Variants in ESCO1 observed in about 807,000 individuals in gnomAD.
The protein encoded by ESCO1 is N-acetyltransferase ESCO1.
ESCO1 carries 33 observed loss-of-function variants against 83.5 expected under a neutral mutation model. The observed-to-expected ratio is 0.40, with a 90% CI of 0.30 to 0.53. The LOEUF is 0.53. ESCO1 is among the 20% of genes least tolerant of loss of function. The probability of loss-of-function intolerance (pLI) is 0.63; values close to 1 mark genes in which losing one functional copy is unlikely to be tolerated. For synonymous variants in ESCO1, 332 were observed against 324.3 expected, an observed-to-expected ratio of 1.02 and a Z score of -0.25; for missense variants, 855 against 968.0, an observed-to-expected ratio of 0.88 and a Z score of 1.55.
At chr18:21,581,974 G>C (rs1199619586) in intron 2 of ESCO1, among the ~76,000 whole-genome samples, 1 of 151,646 alleles carries the variant, frequency 6.6e-6, no homozygotes, top group Non-Finnish European at 1.5e-5. Flanking sequence ...TATAGTCCCA[G>C]CTATTCAGGA....
intron 2 of ESCO1, among the ~76,000 whole-genome samples, chr18:21,579,670 G>A (rs1183672876): frequency 2.0e-5 from 3 of 150,512 alleles, no homozygotes; most frequent in African/African-American, 7.4e-5. Flanking sequence ...TACTCGGGAG[G>A]CTGAGGCAGG....
chr18:21,560,963 C>T lies in ESCO1; in HGVS notation c.1849G>A (p.Val617Ile), dbSNP rs2038177647. 2 of 1,596,074 alleles carry T rather than the reference C, an allele frequency of 1.3e-6. No individual in the cohort carries two copies. The highest frequency in any genetic ancestry group is 2.3e-5 in the South Asian group (2 of 85,728). ...IDAGQKRFGA[V>I]SCNVCGMLYT... ...AGCATTCCACAAACATTACAAGAAA[C>T]TGCTCCAAATCTTTTTTGTCCTGCA... The change falls in exon 8 of 12, where the codon GTT (valine) becomes ATT (isoleucine). Residue 617 changes from valine (V) to isoleucine (I), a missense_variant. Around this residue, in one of 2 missense-constraint regions of ESCO1, gnomAD observed 726 missense variants for 699.5 expected, o/e 1.04. Transcript: ENST00000269214.
At chr18:21,538,209 T>C (rs2037860342) in intron 9 of ESCO1, among the ~76,000 whole-genome samples, 1 of 151,648 alleles carries the variant, frequency 6.6e-6, no homozygotes, top group African/African-American at 2.4e-5. Context: ...CCCAGCACTT[T>C]TGGAGGCTGA....
intron 2 of ESCO1, among the ~76,000 whole-genome samples, chr18:21,578,647 G>C (rs12954607): frequency 0.11 from 16,796 of 151,812 alleles, 1,266 homozygotes; most frequent in Non-Finnish European, 0.17. Context: ...TTGAAGCCAA[G>C]AGTTCCAGAC....
intron 10 of ESCO1, 48 bp from the exon 11 acceptor site, chr18:21,532,708 A>G (rs777531317): frequency 1.9e-6 from 3 of 1,568,086 alleles, no homozygotes; most frequent in Non-Finnish European, 1.7e-6. Flanking sequence ...ATTATTAATT[A>G]GCAACTAATA....
intron 1 of ESCO1, among the ~76,000 whole-genome samples, chr18:21,589,007 C>G (rs899322069): frequency 6.6e-6 from 1 of 151,976 alleles, no homozygotes; most frequent in Non-Finnish European, 1.5e-5. Context: ...TTTGGGAGGC[C>G]GAGGTGGGCA....
At chr18:21,566,064 A>C in intron 6 of ESCO1, 82 bp downstream of exon 6, 1 of 1,301,726 alleles carries the variant, frequency 7.7e-7, no homozygotes. Context: ...GGTTACTAGC[A>C]TAACTTTTTA....
At chr18:21,536,308 G>C in intron 9 of ESCO1, 123 bp from the exon 10 acceptor site, 1 of 1,127,764 alleles carries the variant, frequency 8.9e-7, no homozygotes, top group Non-Finnish European at 1.2e-6. Context: ...AGTTCTTTTG[G>C]GCTGGGTGTG....
Position 21,581,585 on chromosome 18 carries a change from T to C in ESCO1, c.-694+2725A>G, listed in dbSNP as rs572267187. ...GAGATGGCGCCATTGCACTCCAGCC[T>C]GGACGACAGAGCAAGACTCCATCTC... is the stretch of plus-strand genomic sequence containing the variant. On this transcript the variant is annotated intron_variant, in intron 2 of 11. Transcript: ENST00000269214. Among the ~76,000 whole-genome samples the C allele has an allele frequency of 8.5e-5, 13 of 152,062 alleles. No homozygotes were observed. The South Asian group carries it at 1.7e-3, about 19-fold the overall frequency.
At chr18:21,582,866 C>T (rs2038521541) in intron 2 of ESCO1, among the ~76,000 whole-genome samples, 1 of 152,212 alleles carries the variant, frequency 6.6e-6, no homozygotes, top group Non-Finnish European at 1.5e-5. Flanking sequence ...GACAATCCAC[C>T]TATCAAAATT....
chr18:21,535,662 G>A (rs1009665375), intron 10 of ESCO1, among the ~76,000 whole-genome samples: 11 of 152,168 alleles, frequency 7.2e-5, no homozygotes, highest in Non-Finnish European at 1.6e-4. Context: ...GATTACAGGC[G>A]TGAGCCACCA....
chr18:21,574,434 C>A lies in ESCO1; in HGVS notation c.410G>T (p.Arg137Leu), dbSNP rs139334005. The A allele has an allele frequency of 1.4e-5, 23 of 1,614,098 alleles. No homozygotes were observed. The highest frequency in any genetic ancestry group is 1.9e-5 in the Non-Finnish European group (22 of 1,180,020). ...QLTEVSRRSL[R>L]SREIQGQVQA... The stretch of plus-strand genomic sequence containing the variant: ...AACTTGACCCTGAATTTCTCTACTG[C>A]GTAACGACCTTCTTGAAACCTCTGT... The change falls in exon 4 of 12, where the codon CGC (arginine) becomes CTC (leucine). Residue 137 changes from arginine (R) to leucine (L), a missense_variant. Around this residue, in one of 2 missense-constraint regions of ESCO1, gnomAD observed 726 missense variants for 699.5 expected, o/e 1.04. Coordinates refer to ENST00000269214, the MANE Select transcript of ESCO1 (RefSeq NM_052911.3).
intron 7 of ESCO1, among the ~76,000 whole-genome samples, chr18:21,561,552 A>G (rs1056591174): frequency 6.6e-6 from 1 of 151,420 alleles, no homozygotes; most frequent in Non-Finnish European, 1.5e-5. Flanking sequence ...TCAGCCTCCC[A>G]AGTAGCTGGG....
chr18:21,595,299 G>A (rs571109182), intron 1 of ESCO1, among the ~76,000 whole-genome samples: 3 of 150,740 alleles, frequency 2.0e-5, no homozygotes, highest in East Asian at 3.9e-4. Context: ...ATACTTGGCC[G>A]GGCATGGTGA....
intron 7 of ESCO1, 121 bp from the exon 8 acceptor site, chr18:21,561,111 C>A: frequency 4.4e-6 from 4 of 907,346 alleles, no homozygotes; most frequent in Non-Finnish European, 6.0e-6. Flanking sequence ...GAATAACATT[C>A]AATGTTAATT....
intron 10 of ESCO1, 101 bp downstream of exon 10, chr18:21,535,941 A>T: frequency 1.4e-6 from 2 of 1,409,844 alleles, no homozygotes; most frequent in Non-Finnish European, 1.9e-6. Flanking sequence ...ACTGATCTTT[A>T]CATGAAATGG....
intron 4 of ESCO1, among the ~76,000 whole-genome samples, chr18:21,570,788 C>T (rs1272027120): frequency 1.3e-5 from 2 of 152,076 alleles, no homozygotes; most frequent in South Asian, 2.1e-4. Context: ...ACCATCCTGG[C>T]CAACGGGTGA....
At chr18:21,555,699 T>C (rs1036032955) in intron 8 of ESCO1, among the ~76,000 whole-genome samples, 13 of 151,720 alleles carry the variant, frequency 8.6e-5, no homozygotes, top group African/African-American at 3.2e-4. Context: ...CTGCTCAGGA[T>C]GGTGAGGCAG....
chr18:21,555,788 C>T (rs538064926), intron 8 of ESCO1, among the ~76,000 whole-genome samples: 29 of 151,982 alleles, frequency 1.9e-4, no homozygotes, highest in African/African-American at 5.1e-4. Context: ...GGTGACAGAG[C>T]GAGACACTGT....
Sources: allele counts gnomAD v4.1 joint callset (sites outside exome capture counted in the v4.1 genomes callset), GRCh38; gene constraint gnomAD v4.1.1; regional missense constraint gnomAD v4.1.1; transcripts MANE v1.5; gene names NCBI Gene and HGNC (gene_info 2026-07-23, HGNC 2026-07-21).